The following LPP variants were observed in gnomAD, a reference collection of about 807,000 sequenced individuals.
The protein encoded by LPP is LIM domain containing preferred translocation partner in lipoma.
Under a neutral mutation model 60.4 loss-of-function variants are expected in LPP, and 38 were observed. The observed-to-expected ratio is 0.63, with a 90% CI of 0.49 to 0.83. The LOEUF (loss-of-function observed/expected upper bound fraction) is 0.83, where lower values mean the gene tolerates loss of function less well. LPP is among the 40% of genes least tolerant of loss of function. The pLI is 0.00. For synonymous variants in LPP, 328 were observed against 290.8 expected (o/e 1.13, Z -1.30); for missense variants, 902 against 783.6 (o/e 1.15, Z -1.80).
At chr3:188,831,867 T>A (rs3843392) in intron 9 of LPP, among the ~76,000 whole-genome samples, 104,744 of 151,422 alleles carry the variant, frequency 0.69, 36,643 homozygotes, top group East Asian at 0.85. Context: ...CTGAGTATGC[T>A]ATACCACCTC....
intron 6 of LPP, among the ~76,000 whole-genome samples, chr3:188,545,316 A>T (rs1171870060): frequency 2.6e-5 from 4 of 152,108 alleles, no homozygotes; most frequent in Non-Finnish European, 5.9e-5. Context: ...AGCCTTTAGA[A>T]AAAAAAGTAA....
chr3:188,207,563 G>A (rs922539735), intron 1 of LPP, among the ~76,000 whole-genome samples: 6 of 150,322 alleles, frequency 4.0e-5, no homozygotes, highest in Admixed American at 1.3e-4. Flanking sequence ...TAACTTGCTG[G>A]TCTTTGTCAT....
At chr3:188,380,574 C>G (rs1776612363) in intron 3 of LPP, among the ~76,000 whole-genome samples, 1 of 152,176 alleles carries the variant, frequency 6.6e-6, no homozygotes, top group Non-Finnish European at 1.5e-5. Flanking sequence ...CTCTTGTAGC[C>G]AAGAGAAATC....
At chr3:188,356,937 C>T (rs1008304457) in intron 3 of LPP, among the ~76,000 whole-genome samples, 4 of 152,188 alleles carry the variant, frequency 2.6e-5, no homozygotes, top group Admixed American at 1.3e-4. Context: ...ACGGCCAAAG[C>T]GTTTCAACCA....
intron 4 of LPP, among the ~76,000 whole-genome samples, chr3:188,446,908 G>A (rs542886584): frequency 1.2e-4 from 19 of 152,248 alleles, no homozygotes; most frequent in South Asian, 2.1e-4. Context: ...TCTCATTTTT[G>A]TAGTTGCTTT....
intron 6 of LPP, among the ~76,000 whole-genome samples, chr3:188,564,359 G>A (rs1487606108): frequency 6.6e-6 from 1 of 151,986 alleles, no homozygotes; most frequent in Non-Finnish European, 1.5e-5. Context: ...TCGCAGAGGA[G>A]CATCCTCACG....
intron 1 of LPP, among the ~76,000 whole-genome samples, chr3:188,209,083 A>C (rs1734032418): frequency 6.6e-6 from 1 of 152,180 alleles, no homozygotes. Flanking sequence ...TGAGGTTCAG[A>C]ATAAAGTTAG....
At chr3:188,647,862 G>C (rs1179217824) in intron 7 of LPP, among the ~76,000 whole-genome samples, 1 of 152,212 alleles carries the variant, frequency 6.6e-6, no homozygotes, top group Non-Finnish European at 1.5e-5. Flanking sequence ...AATTAAAGGT[G>C]AGGGAAGACT....
At chr3:188,862,767 GAA>G (rs200844305) in intron 9 of LPP, among the ~76,000 whole-genome samples, 110 of 121,640 alleles carry the variant, frequency 9.0e-4, no homozygotes, top group African/African-American at 3.6e-3. Context: ...GAAAGAAAAA[GAA>G]AGAGAGAGAG....
chr3:188,203,144 A>T (rs1183198717), intron 1 of LPP, among the ~76,000 whole-genome samples: 3 of 138,824 alleles, frequency 2.2e-5, no homozygotes, highest in Admixed American at 7.7e-5. Flanking sequence ...TATTATAATT[A>T]TATATAATTA....
chr3:188,370,460 A>G (rs1772705369), intron 3 of LPP, among the ~76,000 whole-genome samples: 1 of 152,134 alleles, frequency 6.6e-6, no homozygotes, highest in South Asian at 2.1e-4. Context: ...AATCAACATG[A>G]TGATTATCAT....
intron 9 of LPP, among the ~76,000 whole-genome samples, chr3:188,795,251 T>C (rs1453775693): frequency 6.6e-6 from 1 of 152,264 alleles, no homozygotes; most frequent in Non-Finnish European, 1.5e-5. Context: ...GTGATTTTCT[T>C]AATGTCTTAG....
chr3:188,482,872 T>TCA (rs1805222769), intron 4 of LPP, among the ~76,000 whole-genome samples: 1 of 152,180 alleles, frequency 6.6e-6, no homozygotes, highest in African/African-American at 2.4e-5. Context: ...TATTAAAGTG[T>TCA]GCTGTCAGAC....
chr3:188,634,499 C>T (rs953122845), intron 7 of LPP, among the ~76,000 whole-genome samples: 7 of 152,236 alleles, frequency 4.6e-5, no homozygotes, highest in Admixed American at 1.3e-4. Context: ...TGGAACCAGG[C>T]TGCACAGCAG....
intron 9 of LPP, among the ~76,000 whole-genome samples, chr3:188,830,503 G>T (rs1483009210): frequency 6.6e-6 from 1 of 151,884 alleles, no homozygotes; most frequent in African/African-American, 2.4e-5. Context: ...TTACTCGGAG[G>T]CTGAGGCAGG....
At chr3:188,348,938 T>C (rs1378924091) in intron 3 of LPP, among the ~76,000 whole-genome samples, 1 of 152,160 alleles carries the variant, frequency 6.6e-6, no homozygotes, top group Non-Finnish European at 1.5e-5. Flanking sequence ...GAAGACTGGG[T>C]TGAAGGGATC....
At chr3:188,567,981 G>A (rs2378420) in intron 6 of LPP, among the ~76,000 whole-genome samples, 1 of 151,914 alleles carries the variant, frequency 6.6e-6, no homozygotes, top group Admixed American at 6.6e-5. Context: ...ATATTGATTA[G>A]GGAGAAGGCA....
intron 2 of LPP, among the ~76,000 whole-genome samples, chr3:188,318,776 T>TTTTTTTTTTTTTTTTTTTTTTTTTTTTTA: frequency 8.5e-6 from 1 of 118,242 alleles, no homozygotes; most frequent in East Asian, 2.9e-4. Context: ...TTTTTTTTTT[T>TTTTTTTTTTTTTTTTTTTTTTTTTTTTTA]GAGACGGAGT....
At chr3:188,299,228 G>A (rs1187524432) in intron 2 of LPP, among the ~76,000 whole-genome samples, 1 of 152,138 alleles carries the variant, frequency 6.6e-6, no homozygotes, top group African/African-American at 2.4e-5. Context: ...TAACATTTCA[G>A]TCATATCTTC....
Sources: gnomAD v4.1 joint callset for allele counts (sites outside exome capture counted in the v4.1 genomes callset) on GRCh38, gnomAD v4.1.1 for gene constraint, MANE v1.5 for transcripts, NCBI Gene and HGNC (gene_info 2026-07-23, HGNC 2026-07-21) for gene names.